The following TG variants were observed in gnomAD, a reference collection of about 807,000 sequenced individuals.
The protein encoded by TG is thyroid hormones.
TG carries 270 observed loss-of-function variants against 324.7 expected under a neutral mutation model. That is an observed-to-expected ratio of 0.83 (90% CI 0.75 to 0.92). The LOEUF (loss-of-function observed/expected upper bound fraction) is 0.92. TG is among the 40% of genes least tolerant of loss of function. The probability of loss-of-function intolerance (pLI) is 0.00; values close to 1 mark genes in which losing one functional copy is unlikely to be tolerated. For synonymous variants in TG, 1,401 were observed against 1,327.0 expected, an observed-to-expected ratio of 1.06 and a Z score of -1.21; for missense variants, 3,591 against 3,456.4, an observed-to-expected ratio of 1.04 and a Z score of -0.98.
chr8:132,886,783 C>A lies in TG; in HGVS notation c.1411C>A (p.Leu471Ile). Residue 471 changes from leucine (L) to isoleucine (I), a missense_variant, in exon 9 of 48, where the codon CTT becomes ATT. By Grantham distance (5) the Leu-to-Ile change is conservative (BLOSUM62 2). Transcript: ENST00000220616. ...CAACCCAAAGAGACTCCAGCAAAAC[C>A]TTTTTGGAGGGAAATTTTTGGTGAA... ...TTNPKRLQQN[L>I]FGGKFLVNVG... The A allele has an allele frequency of 6.2e-7, 1 of 1,614,198 alleles. No individual in the cohort carries two copies. Among genetic ancestry groups the A allele is most frequent in the Non-Finnish European group, 8.5e-7 (1 of 1,180,046 alleles).
At chr8:133,107,249 C>G (rs1335571075) in intron 43 of TG, among the ~76,000 whole-genome samples, 1 of 152,098 alleles carries the variant, frequency 6.6e-6, no homozygotes, top group Non-Finnish European at 1.5e-5. Context: ...CTCTCAAATG[C>G]CAAATTTCAC....
chr8:133,125,770 G>A (rs1851470337), intron 45 of TG, among the ~76,000 whole-genome samples: 1 of 152,176 alleles, frequency 6.6e-6, no homozygotes, highest in African/African-American at 2.4e-5. Flanking sequence ...TTGAATTGGA[G>A]CCTGTTGAAG....
intron 39 of TG, among the ~76,000 whole-genome samples, chr8:133,019,953 G>A (rs1037039321): frequency 3.9e-5 from 6 of 152,240 alleles, no homozygotes; most frequent in African/African-American, 1.4e-4. Context: ...GACTGTGGAC[G>A]TGGTTTGCAG....
chr8:132,899,320 T>G (rs1817589182), intron 14 of TG, among the ~76,000 whole-genome samples: 1 of 152,188 alleles, frequency 6.6e-6, no homozygotes, highest in Admixed American at 6.5e-5. Flanking sequence ...CCTCCCTAGC[T>G]CCCGGGGTGA....
intron 45 of TG, among the ~76,000 whole-genome samples, chr8:133,128,748 G>A (rs1345339652): frequency 2.0e-5 from 3 of 152,206 alleles, no homozygotes; most frequent in Non-Finnish European, 4.4e-5. Flanking sequence ...TGAGGGGCAA[G>A]TTCCACTGCA....
At chr8:132,941,596 A>C in intron 26 of TG, 54 bp downstream of exon 26, 5 of 1,607,240 alleles carry the variant, frequency 3.1e-6, no homozygotes, top group Non-Finnish European at 4.3e-6. Flanking sequence ...GCACACAGGG[A>C]TGCAGAAGCC....
In TG at chr8:133,019,286, G is replaced by A. The variant is rs561430322; in HGVS notation, c.6783-316G>A. Among the ~76,000 whole-genome samples the A allele has an allele frequency of 4.6e-5, 7 of 152,304 alleles. No homozygotes were observed. The South Asian group carries it at 1.5e-3, about 32-fold the overall frequency. Reference sequence around the variant, plus strand: ...GTCTGCACTCTTGGAGCAAAGAAGGGCCAAGGTCCTGAGTGGCTTTCATTG... The same window carrying A: ...GTCTGCACTCTTGGAGCAAAGAAGGACCAAGGTCCTGAGTGGCTTTCATTG... On this transcript the variant is annotated intron_variant, in intron 38 of 47. Coordinates refer to ENST00000220616, the MANE Select transcript of TG (RefSeq NM_003235.5).
chr8:133,001,298 A>G (rs571671645), intron 35 of TG, among the ~76,000 whole-genome samples: 9 of 152,280 alleles, frequency 5.9e-5, no homozygotes, highest in African/African-American at 1.9e-4. Flanking sequence ...GTCGAAGATA[A>G]GAGTGTGCTC....
In TG at chr8:133,096,117, A is replaced by G; in HGVS notation, c.7405-89A>G. 1.5e-5 allele frequency: 22 copies of G among 1,491,910 alleles called. No homozygotes were observed. In the South Asian group the frequency reaches 2.1e-4, roughly 15 times the overall value. The allele number at this position is 1,491,910 out of a possible 1,614,324, so 92.4% of individuals were successfully genotyped here. A position where few individuals can be genotyped will look rare whatever the true frequency, so the allele number is the denominator to read the frequency against. On this transcript the variant is annotated intron_variant, in intron 42 of 47. Coordinates refer to ENST00000220616, the MANE Select transcript of TG (RefSeq NM_003235.5). Reference sequence around the variant, plus strand: ...GTAGAGTCATAGATGGATAACCAGTATTGGCATTCAGTATGGTTAAGACCT... The same window carrying G: ...GTAGAGTCATAGATGGATAACCAGTGTTGGCATTCAGTATGGTTAAGACCT...
rs766239188 is a variant in TG at position 132,888,153 on chromosome 8, C to T, written c.2346C>T (p.Phe782=). 9 of 1,613,928 alleles carry T rather than the reference C, an allele frequency of 5.6e-6. No individual in the cohort carries two copies. Among genetic ancestry groups the T allele is most frequent in the African/African-American group, 2.7e-5 (2 of 74,902 alleles). The change falls in exon 10 of 48, where the codon TTC becomes TTT. Residue 782 remains phenylalanine, a synonymous_variant. Transcript: ENST00000220616. The part of the protein sequence containing the change: ...VQCNGPPEQV[F]ELYQRWEAQN... ...GCAATGGGCCTCCTGAGCAGGTCTT[C>T]GAGTTGTACCAACGATGGGAGGCTC...
chr8:133,106,344 G>T lies in TG; in HGVS notation c.7573-7078G>T, dbSNP rs1045245123. ...CCAGTCGGCTCCTTACTGAGGCTCT[G>T]CAGTGCCTGGGGCCAATGCAAGGAC... On this transcript the variant is annotated intron_variant, in intron 43 of 47. Coordinates refer to ENST00000220616, the MANE Select transcript of TG (RefSeq NM_003235.5). 4.3e-6 allele frequency: 4 copies of T among 939,298 alleles called. No individual in the cohort carries two copies. In the Admixed American group the frequency reaches 2.5e-4, roughly 58 times the overall value. 58.2% of individuals were successfully genotyped at this position (939,298 alleles called of 1,614,324 possible). A position where few individuals can be genotyped will look rare whatever the true frequency, so the allele number is the denominator to read the frequency against.
chr8:133,020,585 GTC>G (rs1462493390), intron 39 of TG, among the ~76,000 whole-genome samples: 1 of 152,120 alleles, frequency 6.6e-6, no homozygotes, highest in Non-Finnish European at 1.5e-5. Flanking sequence ...ACTCAGGCTG[GTC>G]TTTCTCTGTG....
chr8:132,898,742 CCT>C (rs1817499950), intron 13 of TG, 54 bp from the exon 14 acceptor site: 2 of 1,524,878 alleles, frequency 1.3e-6, no homozygotes, highest in Non-Finnish European at 1.8e-6. Flanking sequence ...CCTGGGATCC[CCT>C]CTTTCTCTTG....
chr8:133,041,762 G>A (rs1471796974), intron 41 of TG, among the ~76,000 whole-genome samples: 1 of 151,114 alleles, frequency 6.6e-6, no homozygotes, highest in African/African-American at 2.4e-5. Context: ...ATCTCATTGA[G>A]GCCTTGATCA....
intron 45 of TG, among the ~76,000 whole-genome samples, chr8:133,124,252 C>T (rs939318682): frequency 8.5e-5 from 13 of 152,206 alleles, no homozygotes; most frequent in Non-Finnish European, 1.6e-4. Flanking sequence ...CTGGGTCTTT[C>T]TTCTGAAGGC....
At chr8:132,952,313 G>A (rs933526321) in intron 27 of TG, among the ~76,000 whole-genome samples, 1 of 152,212 alleles carries the variant, frequency 6.6e-6, no homozygotes, top group African/African-American at 2.4e-5. Context: ...GAGTGAAAAT[G>A]CCTGGGATTG....
At chr8:133,053,005 C>A (rs1840704369) in intron 41 of TG, among the ~76,000 whole-genome samples, 1 of 152,204 alleles carries the variant, frequency 6.6e-6, no homozygotes, top group African/African-American at 2.4e-5. Context: ...ATTAACATGG[C>A]ACTGTGCTGC....
intron 35 of TG, chr8:132,988,538 T>G: frequency 2.6e-5 from 5 of 190,918 alleles, no homozygotes; most frequent in Non-Finnish European, 4.8e-5. Context: ...TGCACTATCA[T>G]GAGAGTGTTT....
intron 41 of TG, chr8:133,040,062 C>T (rs759511867): frequency 1.3e-6 from 2 of 1,555,280 alleles, no homozygotes; most frequent in Admixed American, 2.0e-5. Flanking sequence ...GAGGCCCTCA[C>T]TGCTGGGGCA....
Sources: allele counts gnomAD v4.1 joint callset (sites outside exome capture counted in the v4.1 genomes callset), GRCh38; gene constraint gnomAD v4.1.1; transcripts MANE v1.5; gene names NCBI Gene and HGNC (gene_info 2026-07-23, HGNC 2026-07-21).